Variants in CARD10 observed in about 807,000 individuals in gnomAD.
The protein encoded by CARD10 is caspase recruitment domain-containing protein 10.
CARD10 carries 49 observed loss-of-function variants against 114.6 expected under a neutral mutation model. That is an observed-to-expected ratio of 0.43 (90% CI 0.34 to 0.54). The LOEUF (loss-of-function observed/expected upper bound fraction) is 0.54, where lower values mean the gene tolerates loss of function less well. CARD10 is among the 20% of genes least tolerant of loss of function. The pLI is 0.03. For synonymous variants in CARD10, 602 were observed against 593.2 expected (o/e 1.01, Z -0.21); for missense variants, 1,206 against 1,397.2 (o/e 0.86, Z 2.18).
At chr22:37,513,674 T>A (rs1245454878) in intron 3 of CARD10, among the ~76,000 whole-genome samples, 1 of 152,106 alleles carries the variant, frequency 6.6e-6, no homozygotes, top group Non-Finnish European at 1.5e-5. Flanking sequence ...AGTAAATTAT[T>A]TCTTCTGAGA....
In CARD10 at chr22:37,501,147, TTC is replaced by T. The variant is rs904988741; in HGVS notation, c.1787+1453_1787+1454del. On this transcript the variant is annotated intron_variant, in intron 11 of 19. Transcript: ENST00000251973. The surrounding 1 kb of genome is among the most constrained non-coding windows in gnomAD (Gnocchi z 5.4). Reference sequence around the variant, plus strand: ...CGCCTGTCTGCCTCTCTCTCTCTCTTTCTCTCTCTCTCTCTGTCCACCACCTC... The same window carrying T: ...CGCCTGTCTGCCTCTCTCTCTCTCTTTCTCTCTCTCTCTGTCCACCACCTC... Among the ~76,000 whole-genome samples the T allele has an allele frequency of 2.7e-5, 4 of 150,210 alleles. No homozygotes were observed. Among genetic ancestry groups the T allele is most frequent in the Admixed American group, 6.6e-5 (1 of 15,116 alleles).
At position 37,492,594 on chromosome 22, in the gene CARD10, C is replaced by G. The variant is rs774727612; in HGVS notation, c.2636-44G>C. The G allele has an allele frequency of 6.2e-6, 10 of 1,606,024 alleles. No individual in the cohort carries two copies. Among genetic ancestry groups the G allele is most frequent in the Non-Finnish European group, 8.5e-6 (10 of 1,175,528 alleles). Reference sequence around the variant, plus strand: ...GGGAGAGATGAAGGATCCATGGGCCCGGCTGCCCAGAGGGGCACCCAGCCT... The same window carrying G: ...GGGAGAGATGAAGGATCCATGGGCCGGGCTGCCCAGAGGGGCACCCAGCCT... On this transcript the variant is annotated intron_variant, in intron 17 of 19. Coordinates refer to ENST00000251973, the MANE Select transcript of CARD10 (RefSeq NM_014550.4). The surrounding 1 kb of genome is among the most constrained non-coding windows in gnomAD (Gnocchi z 5.7).
At chr22:37,504,366 C>G (rs1472281463) in intron 8 of CARD10, 65 bp from the exon 9 acceptor site, 6 of 1,224,226 alleles carry the variant, frequency 4.9e-6, no homozygotes, top group Non-Finnish European at 6.7e-6. Context: ...CCTCAGCACA[C>G]CTGGTTTGTG....
At chr22:37,506,003 A>G (rs932748519) in intron 7 of CARD10, among the ~76,000 whole-genome samples, 189 bp downstream of exon 7, 2 of 152,044 alleles carry the variant, frequency 1.3e-5, no homozygotes, top group Non-Finnish European at 2.9e-5. Flanking sequence ...CCGCCTGCTC[A>G]CCAGCCCACA....
In CARD10 at chr22:37,491,231, C is replaced by G; in HGVS notation, c.3027G>C (p.Leu1009=). ...ELAKVVRGRI[L]QEQARLVWVE... is the part of the protein sequence containing the mutation. ...CCCACACGAGGCGGGCCTGCTCCTG[C>G]AGGATGCGGCCGCGCACCACCTTGG... The change falls in exon 20 of 20, where the codon CTG becomes CTC. Residue 1009 remains leucine (L), a synonymous_variant. Transcript: ENST00000251973. The G allele has an allele frequency of 6.4e-7, 1 of 1,567,172 alleles. No homozygotes were observed. The highest frequency in any genetic ancestry group is 8.6e-7 in the Non-Finnish European group (1 of 1,160,568).
chr22:37,496,643 G>T lies in CARD10; in HGVS notation c.1948-83C>A, dbSNP rs575823689. ...CAGGGGCTGGAGGAAGACCAGGTGT[G>T]GGGGTGTTTCATGCCTCACAGTTCA... is the stretch of plus-strand genomic sequence containing the variant. On this transcript the variant is annotated intron_variant, in intron 12 of 19. Coordinates refer to ENST00000251973, the MANE Select transcript of CARD10 (RefSeq NM_014550.4). This position sits in a 1 kb window ranked among gnomAD's most constrained non-coding sequence, Gnocchi z 4.1. 7.1e-6 allele frequency: 7 copies of T among 990,370 alleles called. No individual in the cohort carries two copies. The highest frequency in any genetic ancestry group is 1.1e-5 in the Non-Finnish European group (7 of 644,254). 61.3% of individuals were successfully genotyped at this position (990,370 alleles called of 1,614,324 possible).
chr22:37,518,181 C>T (rs1007145962), intron 1 of CARD10, 73 bp from the exon 2 acceptor site: 21 of 1,491,126 alleles, frequency 1.4e-5, no homozygotes, highest in Middle Eastern at 1.9e-4. Context: ...CTTCTGCCCC[C>T]ACCATGCTCC....
intron 7 of CARD10, 83 bp downstream of exon 7, chr22:37,506,109 C>T (rs1390089371): frequency 1.2e-5 from 13 of 1,121,410 alleles, no homozygotes; most frequent in African/African-American, 6.4e-5. Context: ...CCACCAGGGC[C>T]GGCACGTTCC....
At chr22:37,495,440 G>A (rs1922962234) in intron 15 of CARD10, 77 bp downstream of exon 15, 1 of 1,200,026 alleles carries the variant, frequency 8.3e-7, no homozygotes. Flanking sequence ...TAGGTTGCCA[G>A]AGAACAGAGC....
chr22:37,496,988 T>C lies in CARD10; in HGVS notation c.1947+31A>G, dbSNP rs376097052. ...CCAGCCTGGGCAAAAGCACTGACCCTACCCCCCCAGCTCAGGAGGCAGGGC... is the reference window on the plus strand; with the variant it reads ...CCAGCCTGGGCAAAAGCACTGACCCCACCCCCCCAGCTCAGGAGGCAGGGC... On this transcript the variant is annotated intron_variant, in intron 12 of 19. Coordinates refer to ENST00000251973, the MANE Select transcript of CARD10 (RefSeq NM_014550.4). The surrounding 1 kb of genome is among the most constrained non-coding windows in gnomAD (Gnocchi z 4.1). 1 of 1,568,540 alleles carries C rather than the reference T, an allele frequency of 6.4e-7. No homozygotes were observed. The highest frequency in any genetic ancestry group is 8.6e-7 in the Non-Finnish European group (1 of 1,159,184).
At position 37,495,820 on chromosome 22, in the gene CARD10, G is replaced by A. The variant is rs758474987; in HGVS notation, c.2243C>T (p.Thr748Ile). 1.2e-6 allele frequency: 2 copies of A among 1,614,084 alleles called. No homozygotes were observed. The highest frequency in any genetic ancestry group is 1.1e-5 in the South Asian group (1 of 91,092). The change falls in exon 14 of 20, where the codon ACC becomes ATC. Residue 748 changes from threonine to isoleucine, a missense_variant. Thr to Ile is a moderately conservative substitution (Grantham distance 89, BLOSUM62 -1). Around this residue, in one of 2 missense-constraint regions of CARD10, gnomAD observed 1,068 missense variants for 1,179.1 expected, o/e 0.91. Transcript: ENST00000251973. ...CCGCAGAGTGAGGGGGTCAACCCGG[G>A]TGCAGAACCATTCCTGCCTCCGCTT... ...AYKRRQEWFC[T>I]RVDPLTLRDL...
At position 37,491,096 on chromosome 22, in the gene CARD10, G is replaced by C; in HGVS notation, c.*63C>G. 1 of 1,346,220 alleles carries C rather than the reference G, an allele frequency of 7.4e-7. No individual in the cohort carries two copies. Among genetic ancestry groups the C allele is most frequent in the South Asian group, 1.3e-5 (1 of 78,762 alleles). 83.4% of individuals were successfully genotyped at this position (1,346,220 alleles called of 1,614,324 possible). ...GGAAGGCTCAGGGTGGGAGGGCCCA[G>C]CTTCACCATAGACACCAGGGTCCAC... On this transcript the variant is annotated 3_prime_UTR_variant, in exon 20 of 20. Coordinates refer to ENST00000251973, the MANE Select transcript of CARD10 (RefSeq NM_014550.4).
At chr22:37,510,600 A>C in intron 3 of CARD10, 179 bp from the exon 4 acceptor site, 1 of 595,900 alleles carries the variant, frequency 1.7e-6, no homozygotes, top group African/African-American at 1.9e-5. Context: ...TATAAAACAA[A>C]CAGGGCTGAG....
chr22:37,515,550 T>G (rs1601820007), intron 3 of CARD10, among the ~76,000 whole-genome samples: 2 of 124,164 alleles, frequency 1.6e-5, no homozygotes. Flanking sequence ...GCAACAAGGG[T>G]GAGACTCCAT....
At chr22:37,493,792 A>G (rs1922891905) in intron 16 of CARD10, among the ~76,000 whole-genome samples, 1 of 152,180 alleles carries the variant, frequency 6.6e-6, no homozygotes, top group African/African-American at 2.4e-5. Flanking sequence ...ACGTGTGAGA[A>G]GCACCACTAC....
At chr22:37,510,451 G>C in intron 3 of CARD10, 30 bp from the exon 4 acceptor site, 1 of 1,602,952 alleles carries the variant, frequency 6.2e-7, no homozygotes, top group Non-Finnish European at 8.5e-7. Flanking sequence ...TCAGCCCAGA[G>C]GGAGACACAC....
intron 8 of CARD10, 42 bp downstream of exon 8, chr22:37,504,593 T>C (rs752343109): frequency 2.7e-6 from 4 of 1,457,614 alleles, no homozygotes; most frequent in Non-Finnish European, 3.6e-6. Flanking sequence ...AATAATGCTA[T>C]AGCAGTGTCC....
In CARD10 at chr22:37,519,239, G is replaced by A. The variant is rs1923949303; in HGVS notation, c.-39C>T. 4 of 1,468,560 alleles carry A rather than the reference G, an allele frequency of 2.7e-6. No homozygotes were observed. The highest frequency in any genetic ancestry group is 2.9e-5 in the African/African-American group (2 of 69,596). 91.0% of individuals were successfully genotyped at this position (1,468,560 alleles called of 1,614,324 possible). On this transcript the variant is annotated 5_prime_UTR_variant, in exon 1 of 20. Coordinates refer to ENST00000251973, the MANE Select transcript of CARD10 (RefSeq NM_014550.4). This position sits in a 1 kb window ranked among gnomAD's most constrained non-coding sequence, Gnocchi z 4.1. ...GGGTCTGCGGGCAAGAGGCGCACGG[G>A]GGTCGACCAGGGCTCCCTAGGGCTA...
In CARD10 at chr22:37,492,420, GC is replaced by G. The variant is rs749090213; in HGVS notation, c.2751+14del. On this transcript the variant is annotated intron_variant, in intron 18 of 19. Transcript: ENST00000251973. This position sits in a 1 kb window ranked among gnomAD's most constrained non-coding sequence, Gnocchi z 5.7. Reference sequence around the variant, plus strand: ...CCACCTCTGTGAGCACCCCAGGCCAGCCCCCAGCACCCACCTTCCCAACAGA... The same window carrying G: ...CCACCTCTGTGAGCACCCCAGGCCAGCCCCAGCACCCACCTTCCCAACAGA... 27 of 1,526,342 alleles carry G rather than the reference GC, an allele frequency of 1.8e-5. No individual in the cohort carries two copies. Among genetic ancestry groups the G allele is most frequent in the Non-Finnish European group, 2.0e-5 (23 of 1,133,678 alleles). 94.5% of individuals were successfully genotyped at this position (1,526,342 alleles called of 1,614,324 possible).
Sources: gnomAD v4.1 joint callset for allele counts (sites outside exome capture counted in the v4.1 genomes callset) on GRCh38, gnomAD v4.1.1 for gene constraint, gnomAD v4.1.1 regional missense constraint, Gnocchi (gnomAD v3.1) non-coding constraint, MANE v1.5 for transcripts, NCBI Gene and HGNC (gene_info 2026-07-23, HGNC 2026-07-21) for gene names.